The following CCDC150 variants were observed in gnomAD, a reference collection of about 807,000 sequenced individuals.
CCDC150 encodes coiled-coil domain-containing protein 150.
CCDC150 carries 151 observed loss-of-function variants against 156.5 expected under a neutral mutation model. The ratio of observed to expected loss-of-function variants is 0.97; its 90% CI spans 0.85 to 1.10. CCDC150 has a LOEUF of 1.10. Ranked by LOEUF, CCDC150 falls within the 50% of genes least tolerant of loss-of-function variation. The pLI, the probability that CCDC150 is intolerant of heterozygous loss-of-function variation, is 0.00. For missense variants in CCDC150, 1,312 were observed against 1,268.1 expected (o/e 1.03, Z -0.53); for synonymous variants, 452 against 429.4 (o/e 1.05, Z -0.65).
At chr2:196,678,593 C>T (rs1694641543) in intron 13 of CCDC150, among the ~76,000 whole-genome samples, 1 of 152,136 alleles carries the variant, frequency 6.6e-6, no homozygotes, top group African/African-American at 2.4e-5. Context: ...TTCAGTAATG[C>T]TTTTTGCTTA....
In CCDC150 at chr2:196,693,209, T is replaced by C. The variant is rs562320518; in HGVS notation, c.1510-1837T>C. ...GAGCCCCTGACATGTCTAGGTTATA[T>C]AGTGTAGCTTGTTGCTCCAACCATT... On this transcript the variant is annotated intron_variant, in intron 13 of 27. Transcript: ENST00000389175. 5.9e-5 allele frequency among the ~76,000 whole-genome samples: 9 copies of C among 152,306 alleles called. No individual in the cohort carries two copies. In the South Asian group the frequency reaches 1.4e-3, roughly 25 times the overall value.
Position 196,726,107 on chromosome 2 carries a change from C to A in CCDC150, c.2556+8C>A. The A allele has an allele frequency of 6.2e-7, 1 of 1,612,062 alleles. No individual in the cohort carries two copies. The highest frequency in any genetic ancestry group is 1.1e-5 in the South Asian group (1 of 90,520). On this transcript the variant is annotated splice_region_variant and intron_variant, in intron 22 of 27. Transcript: ENST00000389175. ...CAACGGGAAGTGGCTGAGGTATAGT[C>A]ATGAGAAAAGTTTCTCTTTTGGTGA... is the stretch of plus-strand genomic sequence containing the variant.
At position 196,677,216 on chromosome 2, in the gene CCDC150, A is replaced by C. The variant is rs893199696; in HGVS notation, c.1441-77A>C. On this transcript the variant is annotated intron_variant, in intron 12 of 27. Coordinates refer to ENST00000389175, the MANE Select transcript of CCDC150 (RefSeq NM_001080539.2). ...GTGTAGGTATTAATTGACATGCAGG[A>C]TATGTGTGCTATAGTGGAGCCTGTC... is the stretch of plus-strand genomic sequence containing the variant. 8 of 888,848 alleles carry C rather than the reference A, an allele frequency of 9.0e-6. No individual in the cohort carries two copies. In the East Asian group the frequency reaches 2.1e-4, roughly 23 times the overall value. 55.1% of individuals were successfully genotyped at this position (888,848 alleles called of 1,614,324 possible).
chr2:196,683,712 T>A (rs546066858), intron 13 of CCDC150, among the ~76,000 whole-genome samples: 10 of 152,164 alleles, frequency 6.6e-5, no homozygotes, highest in Non-Finnish European at 1.2e-4. Context: ...CTATGCAGAT[T>A]TTCTACCTTT....
chr2:196,705,639 T>C (rs1240475246), intron 15 of CCDC150, among the ~76,000 whole-genome samples: 2 of 152,232 alleles, frequency 1.3e-5, no homozygotes, highest in Non-Finnish European at 2.9e-5. Context: ...GCCTATGTCC[T>C]GAATGGTATT....
chr2:196,674,713 A>G (rs1694397048), intron 10 of CCDC150, among the ~76,000 whole-genome samples: 3 of 152,082 alleles, frequency 2.0e-5, no homozygotes, highest in Admixed American at 1.3e-4. Flanking sequence ...TTTTTACTTC[A>G]TCTTCAATAT....
chr2:196,706,401 G>A (rs1696634994), intron 15 of CCDC150, among the ~76,000 whole-genome samples: 1 of 152,214 alleles, frequency 6.6e-6, no homozygotes, highest in African/African-American at 2.4e-5. Context: ...ATCAGCTTAA[G>A]GAGATTTTGG....
rs1693385792 is a variant in CCDC150 at position 196,658,857 on chromosome 2, A to G, written c.642A>G (p.Gln214=). The G allele has an allele frequency of 1.3e-6, 2 of 1,598,142 alleles. No homozygotes were observed. The highest frequency in any genetic ancestry group is 1.7e-6 in the Non-Finnish European group (2 of 1,170,550). ...AACGTAAAATGAACCTTAAAATTCA[A>G]GAGGTAAGACAAAAAGATGGAGGGT... ...TTKRKMNLKI[Q]ELRRQLAQEK... is the part of the protein sequence containing the mutation. Residue 214 remains glutamine (Q), a synonymous_variant, in exon 5 of 28, where the codon CAA becomes CAG. Transcript: ENST00000389175.
At chr2:196,659,967 C>G (rs901705969) in intron 5 of CCDC150, among the ~76,000 whole-genome samples, 1 of 152,132 alleles carries the variant, frequency 6.6e-6, no homozygotes, top group African/African-American at 2.4e-5. Flanking sequence ...GCCCTGTGTT[C>G]CACCTACCCA....
At chr2:196,676,036 A>T (rs564192666) in intron 10 of CCDC150, 107 bp from the exon 11 acceptor site, 26 of 1,030,254 alleles carry the variant, frequency 2.5e-5, no homozygotes, top group African/African-American at 2.4e-4. Context: ...TGTAAATGAA[A>T]CTTGTTTTTT....
chr2:196,665,511 C>A, intron 5 of CCDC150, 56 bp from the exon 6 acceptor site: 1 of 1,019,922 alleles, frequency 9.8e-7, no homozygotes, highest in Non-Finnish European at 1.4e-6. Context: ...TAACTTTGAT[C>A]TTTGTTAAAC....
intron 20 of CCDC150, 79 bp downstream of exon 20, chr2:196,720,747 G>A: frequency 8.2e-7 from 1 of 1,218,638 alleles, no homozygotes; most frequent in Non-Finnish European, 1.2e-6. Flanking sequence ...GGAAAATGAA[G>A]TGAAACTATC....
chr2:196,681,202 C>T (rs1169895916), intron 13 of CCDC150, among the ~76,000 whole-genome samples: 1 of 152,152 alleles, frequency 6.6e-6, no homozygotes, highest in Non-Finnish European at 1.5e-5. Context: ...TAAATATAAT[C>T]ATACAATATT....
intron 15 of CCDC150, among the ~76,000 whole-genome samples, chr2:196,705,205 TC>T: frequency 6.6e-6 from 1 of 152,356 alleles, no homozygotes; most frequent in Non-Finnish European, 1.5e-5. Context: ...CCACATCCTC[TC>T]CAGCATCTGC....
Position 196,725,972 on chromosome 2 carries a change from G to T in CCDC150, c.2430-1G>T. On this transcript the variant is annotated splice_acceptor_variant, in intron 21 of 27. Coordinates refer to ENST00000389175, the MANE Select transcript of CCDC150 (RefSeq NM_001080539.2). LOFTEE classifies it high-confidence loss of function. ...CTTATCACCTCTCTTCTTCAAAACA[G>T]AGACCGGATGACTGAAGAGTCCAAA... is the stretch of plus-strand genomic sequence containing the variant. 1 of 1,591,674 alleles carries T rather than the reference G, an allele frequency of 6.3e-7. No individual in the cohort carries two copies. Among genetic ancestry groups the T allele is most frequent in the South Asian group, 1.1e-5 (1 of 87,412 alleles).
chr2:196,675,540 G>C (rs963405455), intron 10 of CCDC150, among the ~76,000 whole-genome samples: 11 of 152,062 alleles, frequency 7.2e-5, no homozygotes, highest in Admixed American at 1.3e-4. Context: ...TTATGTGTAG[G>C]GGTATATGGT....
intron 17 of CCDC150, among the ~76,000 whole-genome samples, chr2:196,715,432 A>G (rs1451442980): frequency 6.6e-6 from 1 of 152,224 alleles, no homozygotes; most frequent in Non-Finnish European, 1.5e-5. Context: ...ATTCACTTGT[A>G]TAAGCATAGA....
At chr2:196,696,127 C>G (rs1695811454) in intron 14 of CCDC150, among the ~76,000 whole-genome samples, 1 of 152,228 alleles carries the variant, frequency 6.6e-6, no homozygotes, top group East Asian at 1.9e-4. Context: ...TTGGCTGTGA[C>G]CTCGGGTATG....
intron 13 of CCDC150, among the ~76,000 whole-genome samples, chr2:196,687,596 A>C (rs943611969): frequency 3.3e-5 from 5 of 152,098 alleles, no homozygotes; most frequent in African/African-American, 1.2e-4. Flanking sequence ...GAAGCTCTTT[A>C]GTTTAATTAG....
Sources: allele counts gnomAD v4.1 joint callset (sites outside exome capture counted in the v4.1 genomes callset), GRCh38; gene constraint gnomAD v4.1.1; transcripts MANE v1.5; gene names NCBI Gene and HGNC (gene_info 2026-07-23, HGNC 2026-07-21).